Variants in SLC4A5 observed in about 807,000 individuals in gnomAD.
SLC4A5 encodes the protein electrogenic sodium bicarbonate cotransporter 4.
SLC4A5 carries 96 observed loss-of-function variants against 120.4 expected under a neutral mutation model. The observed-to-expected ratio is 0.80, with a 90% CI of 0.68 to 0.94. SLC4A5 has a LOEUF of 0.94. SLC4A5 is among the 40% of genes least tolerant of loss of function. The probability of loss-of-function intolerance (pLI) is 0.00; values close to 1 mark genes in which losing one functional copy is unlikely to be tolerated. For synonymous variants in SLC4A5, 550 were observed against 571.1 expected (o/e 0.96, Z 0.53); for missense variants, 1,259 against 1,459.5 (o/e 0.86, Z 2.24).
exon 31 of SLC4A5, chr2:74,217,532 G>T (rs1694484178): frequency 6.6e-6 from 1 of 152,028 alleles, no homozygotes; most frequent in Non-Finnish European, 1.5e-5. Flanking sequence ...TTTGACTTTG[G>T]GAATAAACAT....
At chr2:74,338,438 T>C (rs1197550450) in intron 3 of SLC4A5, among the ~76,000 whole-genome samples, 3 of 152,188 alleles carry the variant, frequency 2.0e-5, no homozygotes, top group African/African-American at 7.2e-5. Flanking sequence ...AGGAGGGCAA[T>C]GGGCCCTCAT....
chr2:74,230,007 C>T (rs894799059), intron 25 of SLC4A5, among the ~76,000 whole-genome samples: 3 of 151,462 alleles, frequency 2.0e-5, no homozygotes, highest in African/African-American at 7.3e-5. Flanking sequence ...CATGTACCAT[C>T]GTGCCTGGCT....
exon 23 of SLC4A5, chr2:74,233,430 A>G (rs138316284): frequency 6.2e-7 from 1 of 1,614,232 alleles, no homozygotes; most frequent in South Asian, 1.1e-5. Flanking sequence ...CCGGTTGACA[A>G]TGACGGCAGT....
chr2:74,221,484 A>T, exon 30 of SLC4A5: 2 of 1,614,210 alleles, frequency 1.2e-6, no homozygotes, highest in Non-Finnish European at 1.7e-6. Flanking sequence ...GAGTAACTCC[A>T]ACTGGAAGAT....
At chr2:74,337,286 A>G (rs1168960487) in intron 3 of SLC4A5, among the ~76,000 whole-genome samples, 1 of 152,062 alleles carries the variant, frequency 6.6e-6, no homozygotes, top group Non-Finnish European at 1.5e-5. Context: ...GTGGAGAGAG[A>G]CTTTGACCTC....
chr2:74,263,773 C>T (rs1671213305), intron 10 of SLC4A5, among the ~76,000 whole-genome samples: 1 of 152,238 alleles, frequency 6.6e-6, no homozygotes, highest in South Asian at 2.1e-4. Flanking sequence ...TTTCCCAATG[C>T]TGTGTGACAT....
chr2:74,228,742 AAACT>A, intron 25 of SLC4A5, among the ~76,000 whole-genome samples: 1 of 151,558 alleles, frequency 6.6e-6, no homozygotes, highest in South Asian at 2.1e-4. Context: ...AAAAGTGTGT[AAACT>A]AATCAGCACT....
chr2:74,256,943 A>G (rs1670985091), intron 12 of SLC4A5, among the ~76,000 whole-genome samples: 1 of 152,076 alleles, frequency 6.6e-6, no homozygotes, highest in Non-Finnish European at 1.5e-5. Context: ...CTCTGAAGAG[A>G]GCGCCTGTGA....
At chr2:74,227,680 C>T (rs1573003415) in intron 26 of SLC4A5, 130 bp downstream of exon 26, 2 of 1,154,372 alleles carry the variant, frequency 1.7e-6, no homozygotes, top group African/African-American at 1.6e-5. Context: ...ATCATTATTA[C>T]TATTATTCTT....
chr2:74,234,052 T>C (rs1670186714), intron 22 of SLC4A5, among the ~76,000 whole-genome samples: 2 of 150,078 alleles, frequency 1.3e-5, no homozygotes, highest in Non-Finnish European at 3.0e-5. Context: ...AAAAAGACTT[T>C]GTCTCAAAAA....
At chr2:74,232,616 C>A in exon 24 of SLC4A5, 1 of 1,613,612 alleles carries the variant, frequency 6.2e-7, no homozygotes, top group Non-Finnish European at 8.5e-7. Context: ...GATGCCCACC[C>A]AGAACAGGTC....
chr2:74,233,321 G>A, intron 23 of SLC4A5, 81 bp downstream of exon 23: 3 of 1,520,740 alleles, frequency 2.0e-6, no homozygotes, highest in South Asian at 1.1e-5. Flanking sequence ...AGTACTGAAA[G>A]AAGCATCATG....
intron 7 of SLC4A5, among the ~76,000 whole-genome samples, chr2:74,297,492 G>C (rs1254354469): frequency 6.6e-6 from 1 of 152,122 alleles, no homozygotes; most frequent in Non-Finnish European, 1.5e-5. Flanking sequence ...TGAGACTCCA[G>C]GGTCTACACA....
intron 28 of SLC4A5, 48 bp downstream of exon 28, chr2:74,224,789 GAGA>G (rs1312489298): frequency 3.8e-6 from 6 of 1,579,624 alleles, no homozygotes; most frequent in African/African-American, 1.4e-5. Context: ...CAAAAGTGGA[GAGA>G]AGGTCTCTCA....
intron 7 of SLC4A5, among the ~76,000 whole-genome samples, chr2:74,299,157 C>G (rs1252401957): frequency 6.6e-6 from 1 of 152,102 alleles, no homozygotes; most frequent in Non-Finnish European, 1.5e-5. Context: ...TCAAGACCAG[C>G]CTGACCAACA....
At chr2:74,228,677 CA>C (rs148144810) in intron 25 of SLC4A5, among the ~76,000 whole-genome samples, 17 of 102,498 alleles carry the variant, frequency 1.7e-4, no homozygotes, top group African/African-American at 4.5e-4. Context: ...CCAAAAAAAC[CA>C]AAAAAAAACA....
Position 74,285,772 on chromosome 2 carries a change from C to A in SLC4A5, c.401+1G>T, listed in dbSNP as rs2104170024. 3 of 1,610,014 alleles carry A rather than the reference C, an allele frequency of 1.9e-6. No homozygotes were observed. Among genetic ancestry groups the A allele is most frequent in the Non-Finnish European group, 2.5e-6 (3 of 1,177,174 alleles). ...ACCTCCCTCGTGGGGCCCCGCCTCA[C>A]CTGGCTGACTCCTTCCACTCCATCT... is the stretch of plus-strand genomic sequence containing the variant. On this transcript the variant is annotated splice_donor_variant, in intron 8 of 30. Transcript: ENST00000394019. LOFTEE classifies it high-confidence loss of function.
chr2:74,232,580 C>A, exon 24 of SLC4A5: 1 of 1,613,828 alleles, frequency 6.2e-7, no homozygotes, highest in Non-Finnish European at 8.5e-7. Context: ...CCAGGGGAGC[C>A]CCATAAAGGA....
rs149322613 is a variant in SLC4A5, at chr2:74,224,820, C to T, written c.3246+20G>A. On this transcript the variant is annotated intron_variant, in intron 28 of 30. Transcript: ENST00000394019. ...GTCTCTCAATTTCTCCTCTGTGCCC[C>T]GGCCTCACATCTTCCCCACCTCCTC... is the stretch of plus-strand genomic sequence containing the variant. The T allele has an allele frequency of 3.2e-4, 517 of 1,600,072 alleles. 4 individuals carry two copies. In the East Asian group the frequency reaches 0.011, roughly 33 times the overall value.
Sources: allele counts gnomAD v4.1 joint callset (sites outside exome capture counted in the v4.1 genomes callset), GRCh38; gene constraint gnomAD v4.1.1; transcripts MANE v1.5; gene names NCBI Gene and HGNC (gene_info 2026-07-23, HGNC 2026-07-21).